The following ATXN1 variants were observed in gnomAD, a reference collection of about 807,000 sequenced individuals.
ATXN1 encodes the protein ataxin-1.
Under a neutral mutation model 56.4 loss-of-function variants are expected in ATXN1, and 8 were observed. That is an observed-to-expected ratio of 0.14 (90% CI 0.08 to 0.26). The LOEUF is 0.26. ATXN1 is among the 10% of genes least tolerant of loss of function. The probability of loss-of-function intolerance (pLI) is 1.00; values close to 1 mark genes in which losing one functional copy is unlikely to be tolerated. For synonymous variants in ATXN1, 514 were observed against 494.6 expected (o/e 1.04, Z -0.52); for missense variants, 987 against 1,106.5 (o/e 0.89, Z 1.53).
At chr6:16,628,428 A>G (rs933946000) in intron 3 of ATXN1, among the ~76,000 whole-genome samples, 5 of 152,180 alleles carry the variant, frequency 3.3e-5, no homozygotes, top group African/African-American at 1.2e-4. Context: ...TTCACACACA[A>G]ACAAATGCAT....
intron 6 of ATXN1, among the ~76,000 whole-genome samples, chr6:16,329,719 G>C (rs1236576565): frequency 1.3e-5 from 2 of 152,134 alleles, no homozygotes; most frequent in South Asian, 4.1e-4. Context: ...CACTAGAGAC[G>C]ACAGCTCTTT....
chr6:16,624,859 C>A (rs1763381231), intron 3 of ATXN1, among the ~76,000 whole-genome samples: 1 of 152,192 alleles, frequency 6.6e-6, no homozygotes, highest in Non-Finnish European at 1.5e-5. Flanking sequence ...TTAACTTCAA[C>A]TCCTGAATTT....
chr6:16,561,931 G>A (rs1053432858), intron 4 of ATXN1, among the ~76,000 whole-genome samples: 3 of 152,180 alleles, frequency 2.0e-5, no homozygotes, highest in Admixed American at 2.0e-4. Context: ...CCTGGAAGAT[G>A]TAAACAAGGA....
At chr6:16,362,464 C>T (rs1761829562) in intron 6 of ATXN1, among the ~76,000 whole-genome samples, 1 of 152,258 alleles carries the variant, frequency 6.6e-6, no homozygotes, top group African/African-American at 2.4e-5. Context: ...CCCCCACCCT[C>T]CCGCTCTCAG....
chr6:16,550,533 G>C (rs1032529553), intron 4 of ATXN1, among the ~76,000 whole-genome samples: 1 of 152,228 alleles, frequency 6.6e-6, no homozygotes, highest in Admixed American at 6.5e-5. Context: ...ATGCTCTTCT[G>C]TAGTTTTAAA....
chr6:16,335,662 G>A (rs2113429435), intron 6 of ATXN1, among the ~76,000 whole-genome samples: 1 of 152,170 alleles, frequency 6.6e-6, no homozygotes, highest in East Asian at 1.9e-4. Context: ...GCTTTATTTG[G>A]AAAAAGGGTC....
At chr6:16,693,387 C>T (rs536181481) in intron 2 of ATXN1, among the ~76,000 whole-genome samples, 1 of 152,176 alleles carries the variant, frequency 6.6e-6, no homozygotes, top group South Asian at 2.1e-4. Flanking sequence ...AAGAAACAAG[C>T]AATGGAAGAC....
At position 16,730,487 on chromosome 6, in the gene ATXN1, G is replaced by GTATATA. The variant is rs4052880; in HGVS notation, c.-615+22740_-615+22745dup. ...CTGGAGTTAAAGGGTAAAACAGTAT[G>GTATATA]TATATATATATATATATATAAATGT... is the stretch of plus-strand genomic sequence containing the variant. On this transcript the variant is annotated intron_variant, in intron 2 of 7. Coordinates refer to ENST00000436367, the MANE Select transcript of ATXN1 (RefSeq NM_001128164.2). 0.019 allele frequency among the ~76,000 whole-genome samples: 2,524 copies of GTATATA among 132,024 alleles called. 206 individuals are homozygous for GTATATA. In the East Asian group the frequency reaches 0.26, roughly 14 times the overall value. The allele number at this position is 132,024 out of a possible 152,430, so 86.6% of individuals were successfully genotyped here.
At chr6:16,589,614 G>A (rs371100514) in intron 3 of ATXN1, among the ~76,000 whole-genome samples, 1 of 152,024 alleles carries the variant, frequency 6.6e-6, no homozygotes, top group Non-Finnish European at 1.5e-5. Flanking sequence ...TACCTCACAG[G>A]GTTGTTACGA....
At position 16,704,015 on chromosome 6, in the gene ATXN1, A is replaced by G. The variant is rs1204469196; in HGVS notation, c.-614-46114T>C. 3.9e-5 allele frequency among the ~76,000 whole-genome samples: 6 copies of G among 152,310 alleles called. No homozygotes were observed. In the East Asian group the frequency reaches 7.7e-4, roughly 20 times the overall value. ...GTGCAGGCAACAAGAGCGAGATTCC[A>G]TCTCAAAAAAACAAAGCAATAACAA... On this transcript the variant is annotated intron_variant, in intron 2 of 7. Coordinates refer to ENST00000436367, the MANE Select transcript of ATXN1 (RefSeq NM_001128164.2).
intron 4 of ATXN1, among the ~76,000 whole-genome samples, chr6:16,583,275 AC>A (rs1762559634): frequency 6.6e-6 from 1 of 152,210 alleles, no homozygotes; most frequent in African/African-American, 2.4e-5. Context: ...TAGCAGGGTA[AC>A]CAGTGAAAGG....
At chr6:16,546,419 G>T (rs1201795228) in intron 4 of ATXN1, among the ~76,000 whole-genome samples, 1 of 152,110 alleles carries the variant, frequency 6.6e-6, no homozygotes, top group African/African-American at 2.4e-5. Context: ...GTCACCTGGG[G>T]CCAGGTGTGC....
intron 4 of ATXN1, among the ~76,000 whole-genome samples, chr6:16,538,949 G>T (rs1435560724): frequency 6.6e-6 from 1 of 152,124 alleles, no homozygotes; most frequent in Non-Finnish European, 1.5e-5. Context: ...GCCTCCCAAA[G>T]TGCTGGGATT....
intron 4 of ATXN1, among the ~76,000 whole-genome samples, chr6:16,571,864 C>G (rs534650094): frequency 6.6e-6 from 1 of 152,172 alleles, no homozygotes; most frequent in Non-Finnish European, 1.5e-5. Context: ...GGTCTCACTA[C>G]GCTGTCCAGG....
intron 7 of ATXN1, among the ~76,000 whole-genome samples, chr6:16,309,113 C>T (rs1157841984): frequency 6.6e-6 from 1 of 151,110 alleles, no homozygotes; most frequent in African/African-American, 2.4e-5. Flanking sequence ...GCCTGTAGTC[C>T]CAACTACTCA....
At chr6:16,356,423 C>G (rs1761689437) in intron 6 of ATXN1, among the ~76,000 whole-genome samples, 1 of 152,244 alleles carries the variant, frequency 6.6e-6, no homozygotes, top group Admixed American at 6.5e-5. Context: ...AATATAATCT[C>G]TTTGCTGTTG....
intron 4 of ATXN1, among the ~76,000 whole-genome samples, chr6:16,544,837 G>A (rs1004559594): frequency 1.3e-5 from 2 of 152,128 alleles, no homozygotes; most frequent in African/African-American, 4.8e-5. Context: ...AGGACAAAAT[G>A]GAAAGGAATT....
chr6:16,587,372 C>T (rs995331999), intron 3 of ATXN1, among the ~76,000 whole-genome samples: 6 of 152,176 alleles, frequency 3.9e-5, no homozygotes, highest in African/African-American at 1.4e-4. Flanking sequence ...ATTTCGATAT[C>T]TAATACAGCC....
At chr6:16,756,155 GAATAA>G (rs1363183260) in intron 1 of ATXN1, among the ~76,000 whole-genome samples, 1 of 151,608 alleles carries the variant, frequency 6.6e-6, no homozygotes, top group Non-Finnish European at 1.5e-5. Flanking sequence ...AATTATAAAA[GAATAA>G]AATAAAAAAC....
Sources: allele counts gnomAD v4.1 joint callset (sites outside exome capture counted in the v4.1 genomes callset), GRCh38; gene constraint gnomAD v4.1.1; transcripts MANE v1.5; gene names NCBI Gene and HGNC (gene_info 2026-07-23, HGNC 2026-07-21).